The following USH2A variants were observed in gnomAD, a reference collection of about 807,000 sequenced individuals.
USH2A encodes Usher syndrome 2A (autosomal recessive, mild).
In USH2A, 443 loss-of-function variants were observed where a neutral mutation model predicts 538.9. The observed-to-expected ratio is 0.82, with a 90% CI of 0.76 to 0.89. USH2A has a LOEUF of 0.89. Among genes scored for constraint, USH2A ranks in the 40% least tolerant of loss-of-function variants. The probability of loss-of-function intolerance (pLI) is 0.00; values close to 1 mark genes in which losing one functional copy is unlikely to be tolerated. For missense variants in USH2A, 6,633 were observed against 6,324.8 expected (o/e 1.05, Z -1.65); for synonymous variants, 2,413 against 2,273.5 (o/e 1.06, Z -1.75).
At chr1:215,766,863 T>C (rs1661147439) in intron 55 of USH2A, 75 bp from the exon 56 acceptor site, 5 of 1,357,820 alleles carry the variant, frequency 3.7e-6, no homozygotes, top group Admixed American at 1.8e-5. Context: ...AGAAGTAACA[T>C]GCAGAGTTGT....
At chr1:216,083,260 A>T in intron 26 of USH2A, 196 bp downstream of exon 26, 2 of 514,498 alleles carry the variant, frequency 3.9e-6, no homozygotes, top group Non-Finnish European at 6.8e-6. Flanking sequence ...TACAATTGTC[A>T]TCTTAAAAAA....
At chr1:216,158,457 C>T (rs986946366) in intron 21 of USH2A, among the ~76,000 whole-genome samples, 2 of 152,116 alleles carry the variant, frequency 1.3e-5, no homozygotes, top group Non-Finnish European at 2.9e-5. Context: ...TAGTCTTGAA[C>T]TCCTGAGCAC....
At chr1:216,339,492 GGTT>G (rs1163159723) in intron 4 of USH2A, among the ~76,000 whole-genome samples, 1 of 151,566 alleles carries the variant, frequency 6.6e-6, no homozygotes, top group Admixed American at 6.6e-5. Context: ...TGTGGGAGGA[GGTT>G]GTTGATGAAT....
chr1:216,089,606 G>A (rs2032245334), intron 22 of USH2A, among the ~76,000 whole-genome samples: 1 of 151,958 alleles, frequency 6.6e-6, no homozygotes, highest in Admixed American at 6.6e-5. Flanking sequence ...AATAACAAAT[G>A]GGAATGACAT....
Position 215,916,589 on chromosome 1 carries a change from C to A in USH2A, c.7301-15684G>T, listed in dbSNP as rs1233913819. Among the ~76,000 whole-genome samples, 3 of 152,026 alleles carry A rather than the reference C, an allele frequency of 2.0e-5. No individual in the cohort carries two copies. In the East Asian group the frequency reaches 5.8e-4, roughly 29 times the overall value. On this transcript the variant is annotated intron_variant, in intron 38 of 71. Transcript: ENST00000307340. Reference sequence around the variant, plus strand: ...CAAAAATTATATAAAACCCAATGGGCAGATTTCACCTAGGTCCAGTAATTA... The same window carrying A: ...CAAAAATTATATAAAACCCAATGGGAAGATTTCACCTAGGTCCAGTAATTA...
intron 4 of USH2A, among the ~76,000 whole-genome samples, chr1:216,332,711 G>T (rs1320180436): frequency 6.6e-6 from 1 of 152,126 alleles, no homozygotes; most frequent in Non-Finnish European, 1.5e-5. Context: ...TTCAGTCATT[G>T]CCTGACTACT....
intron 35 of USH2A, among the ~76,000 whole-genome samples, chr1:215,984,436 A>G (rs1667823204): frequency 6.6e-6 from 1 of 152,226 alleles, no homozygotes; most frequent in Non-Finnish European, 1.5e-5. Context: ...CATTGGCTGT[A>G]CAACAGAAGG....
intron 14 of USH2A, among the ~76,000 whole-genome samples, chr1:216,222,295 G>A (rs1572064125): frequency 1.3e-5 from 2 of 152,118 alleles, no homozygotes; most frequent in East Asian, 3.9e-4. Context: ...TGCTGTAGCA[G>A]GAAAGCAACC....
intron 32 of USH2A, among the ~76,000 whole-genome samples, chr1:216,023,806 C>T (rs994443273): frequency 1.7e-4 from 26 of 151,964 alleles, no homozygotes; most frequent in Admixed American, 9.2e-4. Context: ...TTTATTTGTA[C>T]GATGAATTGC....
At position 215,647,757 on chromosome 1, in the gene USH2A, C is replaced by A. The variant is rs755852329; in HGVS notation, c.14583-27G>T. ...TAAAATGAGAATGGATACGTAGAGTCAAGACGGGTAATGGAATTAGTTTAA... is the reference window on the plus strand; with the variant it reads ...TAAAATGAGAATGGATACGTAGAGTAAAGACGGGTAATGGAATTAGTTTAA... On this transcript the variant is annotated intron_variant, in intron 66 of 71. Coordinates refer to ENST00000307340, the MANE Select transcript of USH2A (RefSeq NM_206933.4). 7 of 1,610,728 alleles carry A rather than the reference C, an allele frequency of 4.3e-6. No homozygotes were observed. The African/African-American group carries it at 8.0e-5, about 18-fold the overall frequency.
At chr1:216,383,994 C>G (rs899371164) in intron 3 of USH2A, among the ~76,000 whole-genome samples, 2 of 151,500 alleles carry the variant, frequency 1.3e-5, no homozygotes, top group African/African-American at 4.8e-5. Context: ...GGGCACCACA[C>G]CCAGCCTACA....
intron 20 of USH2A, among the ~76,000 whole-genome samples, chr1:216,177,008 A>T (rs1277970236): frequency 6.6e-6 from 1 of 152,146 alleles, no homozygotes; most frequent in Non-Finnish European, 1.5e-5. Context: ...AGCTGCTATG[A>T]TGTGCATATA....
intron 52 of USH2A, among the ~76,000 whole-genome samples, chr1:215,785,138 C>G (rs1056295880): frequency 6.6e-6 from 1 of 152,102 alleles, no homozygotes; most frequent in Non-Finnish European, 1.5e-5. Context: ...CAAAAATGCC[C>G]TATTCATAAG....
rs141811163 is a variant in USH2A at position 216,134,410 on chromosome 1, G to A, written c.4628-37197C>T. ...CAATATTAATTAATTAATATGGAGA[G>A]AAGAGCAATGTCCCAGGTAGCAGAA... is the stretch of plus-strand genomic sequence containing the variant. On this transcript the variant is annotated intron_variant, in intron 21 of 71. Transcript: ENST00000307340. 8.5e-5 allele frequency among the ~76,000 whole-genome samples: 13 copies of A among 152,182 alleles called. No individual in the cohort carries two copies. In the East Asian group the frequency reaches 2.1e-3, roughly 25 times the overall value.
rs1043596975 is a variant in USH2A, at chr1:216,206,130, A to G, written c.3316+1143T>C. ...AGATTTAATAGTTCTTTAACCTGAG[A>G]ATTAAAAAACTTGAATTCATTATAA... is the stretch of plus-strand genomic sequence containing the variant. On this transcript the variant is annotated intron_variant, in intron 16 of 71. Transcript: ENST00000307340. 1.4e-4 allele frequency among the ~76,000 whole-genome samples: 21 copies of G among 152,304 alleles called. 1 individual carries two copies. In the East Asian group the frequency reaches 3.5e-3, roughly 25 times the overall value.
intron 32 of USH2A, among the ~76,000 whole-genome samples, chr1:216,042,909 G>T (rs1017091539): frequency 6.6e-6 from 1 of 152,070 alleles, no homozygotes; most frequent in African/African-American, 2.4e-5. Context: ...AAGTCCATGT[G>T]CACCTACAGT....
At chr1:215,882,501 T>A (rs1489478891) in intron 41 of USH2A, among the ~76,000 whole-genome samples, 1 of 152,194 alleles carries the variant, frequency 6.6e-6, no homozygotes, top group Non-Finnish European at 1.5e-5. Context: ...ATTCTATTTG[T>A]ATTTTTTCAA....
Position 216,175,397 on chromosome 1 carries a change from A to C in USH2A, c.4482T>G (p.Asn1494Lys). The C allele has an allele frequency of 5.6e-6, 9 of 1,613,786 alleles. No homozygotes were observed. Among genetic ancestry groups the C allele is most frequent in the Non-Finnish European group, 7.6e-6 (9 of 1,179,860 alleles). ...CCAGCTGATATATAGGAGAGGGTCC[A>C]TTCAGTTCTTCAGGTGGAAACCACC... ...HLRWFPPEELNGPSPIYQLER... is the reference protein window; with the variant it reads ...HLRWFPPEELKGPSPIYQLER... Residue 1494 changes from asparagine to lysine, a missense_variant, in exon 21 of 72, where the codon AAT becomes AAG. By Grantham distance (94) the Asn-to-Lys change is moderately conservative (BLOSUM62 0). Coordinates refer to ENST00000307340, the MANE Select transcript of USH2A (RefSeq NM_206933.4).
intron 9 of USH2A, among the ~76,000 whole-genome samples, chr1:216,294,823 C>A (rs542993100): frequency 4.8e-4 from 73 of 151,970 alleles, no homozygotes; most frequent in African/African-American, 1.7e-3. Context: ...TAATGCCAAT[C>A]TTCACCTAGT....
Sources: gnomAD v4.1 joint callset for allele counts (sites outside exome capture counted in the v4.1 genomes callset) on GRCh38, gnomAD v4.1.1 for gene constraint, MANE v1.5 for transcripts, NCBI Gene and HGNC (gene_info 2026-07-23, HGNC 2026-07-21) for gene names.